LINGO2: variants seen among roughly 807,000 people sequenced by gnomAD.
LINGO2 encodes the protein leucine rich repeat and Ig domain containing 2.
LINGO2 carries 14 observed loss-of-function variants against 30.6 expected under a neutral mutation model. The ratio of observed to expected loss-of-function variants is 0.46; its 90% confidence interval spans 0.30 to 0.72. The LOEUF is 0.72. Ranked by LOEUF, LINGO2 falls within the 30% of genes least tolerant of loss-of-function variation. The pLI is 0.07. For missense variants in LINGO2, 729 were observed against 751.7 expected, an observed-to-expected ratio of 0.97 and a Z score of 0.35; for synonymous variants, 317 against 288.5, an observed-to-expected ratio of 1.10 and a Z score of -1.00.
At chr9:28,297,178 T>G (rs958325522) in intron 3 of LINGO2, among the ~76,000 whole-genome samples, 2 of 152,178 alleles carry the variant, frequency 1.3e-5, no homozygotes, top group African/African-American at 4.8e-5. Context: ...CTTCTCATAC[T>G]TTGGTTCTGC....
At chr9:28,281,827 G>C (rs1823337658) in intron 4 of LINGO2, among the ~76,000 whole-genome samples, 1 of 152,084 alleles carries the variant, frequency 6.6e-6, no homozygotes, top group Non-Finnish European at 1.5e-5. Flanking sequence ...CTTGTTTCTA[G>C]ACTAAAGCTG....
chr9:28,827,518 G>T, the LINGO2 span, among the ~76,000 whole-genome samples: 1 of 152,188 alleles, frequency 6.6e-6, no homozygotes, highest in East Asian at 1.9e-4. Flanking sequence ...GTTGTAAGAA[G>T]AATTAAATAA....
chr9:28,356,560 C>A (rs979101937), intron 3 of LINGO2, among the ~76,000 whole-genome samples: 1 of 152,078 alleles, frequency 6.6e-6, no homozygotes, highest in Non-Finnish European at 1.5e-5. Context: ...GCTGTTTCTT[C>A]ATGGGAAAAA....
chr9:28,840,436 C>T, the LINGO2 span, among the ~76,000 whole-genome samples: 2 of 151,868 alleles, frequency 1.3e-5, no homozygotes, highest in Non-Finnish European at 2.9e-5. Context: ...CCTTCCCTCT[C>T]TACACCATCA....
the LINGO2 span, among the ~76,000 whole-genome samples, chr9:29,001,979 C>A: frequency 6.6e-6 from 1 of 151,966 alleles, no homozygotes; most frequent in Non-Finnish European, 1.5e-5. Context: ...GTTTTCCACA[C>A]AGGTATTAAA....
At chr9:29,154,794 T>C in the LINGO2 span, among the ~76,000 whole-genome samples, 1 of 152,162 alleles carries the variant, frequency 6.6e-6, no homozygotes, top group African/African-American at 2.4e-5. Context: ...AAAATATTTA[T>C]TTGTAGGGAA....
chr9:29,072,629 A>C, the LINGO2 span, among the ~76,000 whole-genome samples: 5 of 149,640 alleles, frequency 3.3e-5, no homozygotes, highest in South Asian at 4.2e-4. Flanking sequence ...ATATATATAT[A>C]TCAAGAGTCC....
At chr9:28,950,256 G>C in the LINGO2 span, among the ~76,000 whole-genome samples, 1 of 152,156 alleles carries the variant, frequency 6.6e-6, no homozygotes. Flanking sequence ...AAAATAATGA[G>C]AGCTATTTAT....
At chr9:28,560,242 T>C (rs1479890798) in intron 1 of LINGO2, among the ~76,000 whole-genome samples, 1 of 152,130 alleles carries the variant, frequency 6.6e-6, no homozygotes, top group Non-Finnish European at 1.5e-5. Flanking sequence ...TGGATGTTTC[T>C]GAAAGGGTGA....
the LINGO2 span, among the ~76,000 whole-genome samples, chr9:28,777,244 T>C: frequency 1.3e-5 from 2 of 152,202 alleles, no homozygotes; most frequent in Admixed American, 1.3e-4. Context: ...TCAGTAAATA[T>C]TTGATGAATT....
At chr9:28,632,340 C>A (rs73644090) in intron 1 of LINGO2, among the ~76,000 whole-genome samples, 3,834 of 151,952 alleles carry the variant, frequency 0.025, 154 homozygotes, top group African/African-American at 0.081. Flanking sequence ...GGCAGGGAAA[C>A]TGCAACTATT....
intron 2 of LINGO2, among the ~76,000 whole-genome samples, chr9:28,438,288 C>T (rs1183429409): frequency 2.0e-5 from 3 of 152,100 alleles, no homozygotes; most frequent in Non-Finnish European, 4.4e-5. Flanking sequence ...AAGAGATTTG[C>T]ATTTAAATCA....
At chr9:28,750,601 T>G in the LINGO2 span, among the ~76,000 whole-genome samples, 1 of 152,036 alleles carries the variant, frequency 6.6e-6, no homozygotes, top group South Asian at 2.1e-4. Flanking sequence ...GGAAGAGCAA[T>G]AATTTATACT....
chr9:28,469,982 T>A, intron 2 of LINGO2, among the ~76,000 whole-genome samples: 1 of 152,158 alleles, frequency 6.6e-6, no homozygotes, highest in East Asian at 1.9e-4. Context: ...TACAGGATTT[T>A]AAAAAACAAA....
At chr9:28,933,378 C>T in the LINGO2 span, among the ~76,000 whole-genome samples, 1 of 152,226 alleles carries the variant, frequency 6.6e-6, no homozygotes, top group African/African-American at 2.4e-5. Flanking sequence ...GAGTTTCTAG[C>T]CTCCTTGTCC....
intron 3 of LINGO2, among the ~76,000 whole-genome samples, chr9:28,337,841 G>T (rs900732685): frequency 3.9e-5 from 6 of 152,060 alleles, no homozygotes; most frequent in African/African-American, 1.5e-4. Flanking sequence ...GAAATGCCTG[G>T]GTGTCTAGGC....
the LINGO2 span, among the ~76,000 whole-genome samples, chr9:28,704,821 T>C: frequency 6.6e-6 from 1 of 152,108 alleles, no homozygotes. Context: ...CTTAATGTTG[T>C]TCTTTAGGGC....
the LINGO2 span, among the ~76,000 whole-genome samples, chr9:28,823,743 G>A: frequency 5.8e-3 from 881 of 152,284 alleles, 5 homozygotes; most frequent in African/African-American, 0.02. Flanking sequence ...TATCTTGAAA[G>A]TGGATTGTCA....
chr9:28,495,027 T>C (rs1443224542), intron 1 of LINGO2, among the ~76,000 whole-genome samples: 2 of 152,224 alleles, frequency 1.3e-5, no homozygotes, highest in Non-Finnish European at 2.9e-5. Flanking sequence ...TTTTGAGAAG[T>C]GTCTGTTCAT....
Sources: gnomAD v4.1 joint callset for allele counts (sites outside exome capture counted in the v4.1 genomes callset) on GRCh38, gnomAD v4.1.1 for gene constraint, MANE v1.5 for transcripts, NCBI Gene and HGNC (gene_info 2026-07-23, HGNC 2026-07-21) for gene names.